HNF4A: variants seen among roughly 807,000 people sequenced by gnomAD.
HNF4A encodes hepatocyte nuclear factor 4-alpha.
HNF4A carries 15 observed loss-of-function variants against 52.4 expected under a neutral mutation model. The observed-to-expected ratio is 0.29, with a 90% CI of 0.19 to 0.44. HNF4A has a LOEUF of 0.44. Among genes scored for constraint, HNF4A ranks in the 20% least tolerant of loss-of-function variants. The probability of loss-of-function intolerance (pLI) is 1.00; values close to 1 mark genes in which losing one functional copy is unlikely to be tolerated. For synonymous variants in HNF4A, 280 were observed against 264.4 expected (o/e 1.06, Z -0.57); for missense variants, 479 against 647.2 (o/e 0.74, Z 2.82).
At chr20:44,408,675 T>C (rs1001758095) in intron 3 of HNF4A, among the ~76,000 whole-genome samples, 19 of 152,050 alleles carry the variant, frequency 1.2e-4, no homozygotes, top group African/African-American at 4.3e-4. Context: ...TGCAGTGAGC[T>C]GAGATCATGC....
intron 8 of HNF4A, among the ~76,000 whole-genome samples, chr20:44,428,082 G>T (rs1223693857): frequency 6.6e-6 from 1 of 152,186 alleles, no homozygotes; most frequent in Admixed American, 6.5e-5. Context: ...TGATCTCAGA[G>T]CTTCCTTATA....
chr20:44,368,295 T>G (rs2062995323), intron 1 of HNF4A, among the ~76,000 whole-genome samples: 1 of 149,330 alleles, frequency 6.7e-6, no homozygotes, highest in Non-Finnish European at 1.5e-5. Context: ...GCTTCCTGAG[T>G]GGCTGGGATT....
At chr20:44,374,710 C>T (rs1032135457) in intron 1 of HNF4A, among the ~76,000 whole-genome samples, 2 of 152,134 alleles carry the variant, frequency 1.3e-5, no homozygotes, top group Non-Finnish European at 2.9e-5. Context: ...GTGATCCGCC[C>T]GCCTCGGCCT....
At chr20:44,382,325 G>A (rs1392088706) in intron 1 of HNF4A, among the ~76,000 whole-genome samples, 6 of 150,414 alleles carry the variant, frequency 4.0e-5, no homozygotes, top group Non-Finnish European at 8.9e-5. Context: ...TGCACCCTCC[G>A]CCTCCCAGGT....
rs1258150476 is a variant in HNF4A at position 44,381,307 on chromosome 20, G to A, written c.50-24751G>A. 2.2e-5 allele frequency among the ~76,000 whole-genome samples: 3 copies of A among 137,902 alleles called. No homozygotes were observed. The South Asian group carries it at 7.0e-4, about 32-fold the overall frequency. 90.5% of individuals were successfully genotyped at this position (137,902 alleles called of 152,430 possible). On this transcript the variant is annotated intron_variant, in intron 1 of 9. Transcript: ENST00000316673. ...TTTTTTTTTTTTTTTTTGAGACAGAGTTTTACTCTGTCACCCAGGCTGGAG... is the reference window on the plus strand; with the variant it reads ...TTTTTTTTTTTTTTTTTGAGACAGAATTTTACTCTGTCACCCAGGCTGGAG...
rs576065155 is a variant in HNF4A, at chr20:44,368,419, G to C, written c.49+12566G>C. On this transcript the variant is annotated intron_variant, in intron 1 of 9. Coordinates refer to the HNF4A transcript ENST00000316673. ...TGACCTCAAGTGATCCACCTGCCTC[G>C]GCCTCCCAAAGTGCTGGGATTATAA... Among the ~76,000 whole-genome samples, 36 of 151,554 alleles carry C rather than the reference G, an allele frequency of 2.4e-4. No individual in the cohort carries two copies. In the South Asian group the frequency reaches 2.9e-3, roughly 12 times the overall value.
At position 44,424,691 on chromosome 20, in the gene HNF4A, C is replaced by T. The variant is rs138506611; in HGVS notation, c.1129+437C>T. ...TTTAGATAGGGGAGGCCACAGGAGACCTCTCTGAAGTGGTGACTCTTGTGC... is the reference window on the plus strand; with the variant it reads ...TTTAGATAGGGGAGGCCACAGGAGATCTCTCTGAAGTGGTGACTCTTGTGC... On this transcript the variant is annotated intron_variant, in intron 8 of 9. Transcript: ENST00000316099. 3.3e-5 allele frequency: 36 copies of T among 1,077,162 alleles called. 1 individual carries two copies. The East Asian group carries it at 1.5e-3, about 45-fold the overall frequency. 66.7% of individuals were successfully genotyped at this position (1,077,162 alleles called of 1,614,324 possible). A position where few individuals can be genotyped will look rare whatever the true frequency, so the allele number is the denominator to read the frequency against.
chr20:44,382,185 A>G (rs6017335), intron 1 of HNF4A, among the ~76,000 whole-genome samples: 87,193 of 151,696 alleles, frequency 0.57, 26,390 homozygotes, highest in African/African-American at 0.76. Flanking sequence ...ACCCAGCCCA[A>G]AACTCTTTTG....
chr20:44,356,422 A>C (rs183692351), intron 1 of HNF4A, among the ~76,000 whole-genome samples: 1 of 152,262 alleles, frequency 6.6e-6, no homozygotes, highest in African/African-American at 2.4e-5. Context: ...TGTTACTGAG[A>C]GTGAAAGGCT....
chr20:44,404,444 G>C (rs554095648), intron 1 of HNF4A, among the ~76,000 whole-genome samples: 1 of 152,200 alleles, frequency 6.6e-6, no homozygotes, highest in African/African-American at 2.4e-5. Flanking sequence ...GGAATCCAAG[G>C]TTGGATTCAG....
chr20:44,362,330 G>A (rs1022949235), intron 1 of HNF4A, among the ~76,000 whole-genome samples: 15 of 150,040 alleles, frequency 1.0e-4, no homozygotes, highest in African/African-American at 3.7e-4. Flanking sequence ...TGAGGCAGGA[G>A]AATCACTTGA....
intron 7 of HNF4A, among the ~76,000 whole-genome samples, chr20:44,420,732 C>A (rs1462691952): frequency 6.6e-6 from 1 of 152,114 alleles, no homozygotes. Context: ...GTGGGAGGAT[C>A]TCTTGAGCCC....
At chr20:44,359,559 A>G (rs2062895372) in intron 1 of HNF4A, among the ~76,000 whole-genome samples, 1 of 152,172 alleles carries the variant, frequency 6.6e-6, no homozygotes, top group South Asian at 2.1e-4. Context: ...TGCTCCAAAC[A>G]GAACTGAGGC....
At chr20:44,394,616 T>C (rs1342435672) in intron 1 of HNF4A, among the ~76,000 whole-genome samples, 1 of 152,172 alleles carries the variant, frequency 6.6e-6, no homozygotes, top group African/African-American at 2.4e-5. Context: ...GCTGCCTTTA[T>C]CTCTCTTTGG....
intron 1 of HNF4A, among the ~76,000 whole-genome samples, chr20:44,358,841 G>A (rs1411610289): frequency 6.6e-6 from 1 of 152,138 alleles, no homozygotes; most frequent in African/African-American, 2.4e-5. Flanking sequence ...TGGGTCCAGA[G>A]CAAGCACGCA....
chr20:44,385,863 T>G (rs1210931573), intron 1 of HNF4A, among the ~76,000 whole-genome samples: 1 of 151,818 alleles, frequency 6.6e-6, no homozygotes, highest in African/African-American at 2.4e-5. Flanking sequence ...TCTGATTTTT[T>G]TTGTTGTTTT....
At chr20:44,388,625 C>T (rs1490379210) in intron 1 of HNF4A, among the ~76,000 whole-genome samples, 1 of 152,106 alleles carries the variant, frequency 6.6e-6, no homozygotes, top group Non-Finnish European at 1.5e-5. Flanking sequence ...CTGTGATTGG[C>T]GGGATTGCTG....
At chr20:44,393,222 G>GGAACATAAACAGGAGGGAT (rs1263873115) in intron 1 of HNF4A, among the ~76,000 whole-genome samples, 3 of 152,186 alleles carry the variant, frequency 2.0e-5, no homozygotes, top group Non-Finnish European at 4.4e-5. Flanking sequence ...GATAAATTCA[G>GGAACATAAACAGGAGGGAT]GAACATAAAC....
At chr20:44,410,915 C>A (rs879537367) in intron 3 of HNF4A, among the ~76,000 whole-genome samples, 3 of 152,056 alleles carry the variant, frequency 2.0e-5, no homozygotes, top group Non-Finnish European at 4.4e-5. Context: ...AGAGGGGCTT[C>A]AGGTCTCATG....
Sources: allele counts gnomAD v4.1 joint callset (sites outside exome capture counted in the v4.1 genomes callset), GRCh38; gene constraint gnomAD v4.1.1; transcripts MANE v1.5; gene names NCBI Gene and HGNC (gene_info 2026-07-23, HGNC 2026-07-21).